The following CACNA2D3 variants were observed in gnomAD, a reference collection of about 807,000 sequenced individuals.
CACNA2D3 encodes the protein voltage-dependent calcium channel subunit alpha-2/delta-3.
CACNA2D3 carries 60 observed loss-of-function variants against 160.6 expected under a neutral mutation model. That is an observed-to-expected ratio of 0.37 (90% confidence interval 0.30 to 0.46). The LOEUF (loss-of-function observed/expected upper bound fraction) is 0.46, where lower values mean the gene tolerates loss of function less well. CACNA2D3 is among the 20% of genes least tolerant of loss of function. The pLI is 1.00. For missense variants in CACNA2D3, 1,205 were observed against 1,365.0 expected, an observed-to-expected ratio of 0.88 and a Z score of 1.85; for synonymous variants, 558 against 492.9, an observed-to-expected ratio of 1.13 and a Z score of -1.75.
At chr3:54,755,302 G>T (rs1463628833) in intron 12 of CACNA2D3, among the ~76,000 whole-genome samples, 1 of 152,110 alleles carries the variant, frequency 6.6e-6, no homozygotes, top group Admixed American at 6.5e-5. Flanking sequence ...AAATGCTTCT[G>T]TGGGGGGGCT....
chr3:54,221,849 GA>G (rs886196801), intron 2 of CACNA2D3, among the ~76,000 whole-genome samples: 9 of 149,438 alleles, frequency 6.0e-5, no homozygotes, highest in Non-Finnish European at 1.3e-4. Context: ...TTTTTTTTCT[GA>G]AAAAAAATAT....
chr3:55,020,138 TTTG>T (rs1471592396), intron 35 of CACNA2D3, among the ~76,000 whole-genome samples: 1 of 151,786 alleles, frequency 6.6e-6, no homozygotes, highest in Non-Finnish European at 1.5e-5. Context: ...TTTTCCTTAG[TTTG>T]TTAACATGTT....
intron 18 of CACNA2D3, among the ~76,000 whole-genome samples, chr3:54,877,490 A>T (rs1699689694): frequency 6.6e-6 from 1 of 152,180 alleles, no homozygotes; most frequent in African/African-American, 2.4e-5. Context: ...TGCTGGCATT[A>T]GTTCCATTTT....
chr3:54,467,785 G>C (rs962344116), intron 4 of CACNA2D3, among the ~76,000 whole-genome samples: 1 of 152,146 alleles, frequency 6.6e-6, no homozygotes, highest in South Asian at 2.1e-4. Flanking sequence ...CAGTTAGGAA[G>C]AATAAATGCT....
At chr3:54,727,909 T>C (rs192600456) in intron 11 of CACNA2D3, among the ~76,000 whole-genome samples, 2 of 152,244 alleles carry the variant, frequency 1.3e-5, no homozygotes, top group African/African-American at 4.8e-5. Flanking sequence ...AAGTATATAT[T>C]AAAAAAAGAT....
At chr3:54,683,644 C>T (rs539255326) in intron 11 of CACNA2D3, among the ~76,000 whole-genome samples, 139 of 152,298 alleles carry the variant, frequency 9.1e-4, no homozygotes, top group African/African-American at 2.9e-3. Flanking sequence ...CATGCTTCCC[C>T]TTCTTCCTTT....
intron 33 of CACNA2D3, among the ~76,000 whole-genome samples, chr3:55,008,377 G>T (rs1332542779): frequency 6.6e-6 from 1 of 152,128 alleles, no homozygotes; most frequent in Admixed American, 6.5e-5. Context: ...TGAAAGTCTT[G>T]ACTTTCAGAC....
chr3:54,998,713 T>TTTTG (rs1702912699), intron 31 of CACNA2D3, among the ~76,000 whole-genome samples: 1 of 147,146 alleles, frequency 6.8e-6, no homozygotes, highest in Non-Finnish European at 1.5e-5. Context: ...CTAAAGTTGG[T>TTTTG]TTTTGTTTTG....
intron 2 of CACNA2D3, among the ~76,000 whole-genome samples, chr3:54,245,562 C>T (rs1040627062): frequency 1.3e-5 from 2 of 152,174 alleles, no homozygotes; most frequent in African/African-American, 4.8e-5. Flanking sequence ...TTGGCACTGG[C>T]ACTGAAAGCA....
chr3:54,606,339 GC>G (rs1445829774), intron 9 of CACNA2D3, among the ~76,000 whole-genome samples: 1 of 152,090 alleles, frequency 6.6e-6, no homozygotes, highest in Non-Finnish European at 1.5e-5. Context: ...TAGGCTGGAT[GC>G]TGGGGAGCAA....
intron 14 of CACNA2D3, among the ~76,000 whole-genome samples, chr3:54,818,692 T>G (rs550401888): frequency 6.6e-6 from 1 of 152,356 alleles, no homozygotes; most frequent in Admixed American, 6.5e-5. Context: ...TCCTAATTTT[T>G]TTCCCTGTCT....
At chr3:54,856,437 C>CCCTTCCTTTCT (rs1699172300) in intron 17 of CACNA2D3, among the ~76,000 whole-genome samples, 1 of 152,090 alleles carries the variant, frequency 6.6e-6, no homozygotes, top group African/African-American at 2.4e-5. Flanking sequence ...GGAACCCTTC[C>CCCTTCCTTTCT]TCCCTTCCTT....
In CACNA2D3 at chr3:54,992,887, G is replaced by A. The variant is rs369130744; in HGVS notation, c.2690+5134G>A. On this transcript the variant is annotated intron_variant, in intron 31 of 37. Transcript: ENST00000474759. ...AGGCTGTACAGGAAGCATGGCTGGG[G>A]AGGCCTCAGGAGACTTACAACCATC... 9.2e-5 allele frequency among the ~76,000 whole-genome samples: 14 copies of A among 152,286 alleles called. No individual in the cohort carries two copies. The East Asian group carries it at 1.9e-3, about 21-fold the overall frequency.
chr3:54,991,194 G>A (rs888619671), intron 31 of CACNA2D3, among the ~76,000 whole-genome samples: 2 of 151,708 alleles, frequency 1.3e-5, no homozygotes, highest in Non-Finnish European at 2.9e-5. Flanking sequence ...AAATAAAAAT[G>A]TGGGGCCCTG....
intron 14 of CACNA2D3, 87 bp from the exon 15 acceptor site, chr3:54,837,072 G>T: frequency 1.7e-6 from 2 of 1,145,706 alleles, no homozygotes; most frequent in Non-Finnish European, 2.6e-6. Flanking sequence ...CCCCTGGTTT[G>T]GAAAGGACAT....
intron 32 of CACNA2D3, among the ~76,000 whole-genome samples, chr3:55,007,315 T>G (rs1703119531): frequency 6.6e-6 from 1 of 152,244 alleles, no homozygotes; most frequent in Non-Finnish European, 1.5e-5. Context: ...ACATAATTCG[T>G]GGACGGCATT....
rs77572999 is a variant in CACNA2D3, at chr3:54,193,229, A to C, written c.204+69635A>C. Among the ~76,000 whole-genome samples the C allele has an allele frequency of 3.0e-4, 46 of 152,262 alleles. No individual in the cohort carries two copies. The East Asian group carries it at 7.9e-3, about 26-fold the overall frequency. On this transcript the variant is annotated intron_variant, in intron 2 of 37. Transcript: ENST00000474759. ...CCAGGTGGTGGGACTTTATGTCCCT[A>C]TTCCTTAGAGTCCATGGCTATGGCT...
chr3:55,051,836 G>T (rs995042585), intron 35 of CACNA2D3, among the ~76,000 whole-genome samples: 1 of 152,204 alleles, frequency 6.6e-6, no homozygotes, highest in African/African-American at 2.4e-5. Context: ...CGTCGGAAAA[G>T]CGCAGTATTC....
At chr3:54,917,320 G>A (rs1700685510) in intron 27 of CACNA2D3, among the ~76,000 whole-genome samples, 1 of 152,182 alleles carries the variant, frequency 6.6e-6, no homozygotes, top group South Asian at 2.1e-4. Flanking sequence ...AGTAAAGCCA[G>A]CCACACCTGA....
Sources: gnomAD v4.1 joint callset for allele counts (sites outside exome capture counted in the v4.1 genomes callset) on GRCh38, gnomAD v4.1.1 for gene constraint, MANE v1.5 for transcripts, NCBI Gene and HGNC (gene_info 2026-07-23, HGNC 2026-07-21) for gene names.